RGS6: variants seen among roughly 807,000 people sequenced by gnomAD.
RGS6 encodes the protein regulator of G protein signaling 6.
A neutral mutation model predicts 78.5 loss-of-function variants in RGS6; 30 were observed. The observed-to-expected ratio is 0.38, with a 90% CI of 0.29 to 0.52. The LOEUF is 0.52. RGS6 is among the 20% of genes least tolerant of loss of function. RGS6 has a pLI of 0.85. For synonymous variants in RGS6, 206 were observed against 206.0 expected (o/e 1.00, Z 0.00); for missense variants, 495 against 609.7 (o/e 0.81, Z 1.98).
chr14:72,486,090 T>C (rs2096484074), intron 12 of RGS6, among the ~76,000 whole-genome samples: 1 of 86,262 alleles, frequency 1.2e-5, no homozygotes, highest in South Asian at 4.5e-4. Flanking sequence ...CTGATGGCTT[T>C]ATAAAGGGCT....
At chr14:72,296,065 A>G in intron 2 of RGS6, among the ~76,000 whole-genome samples, 1 of 152,218 alleles carries the variant, frequency 6.6e-6, no homozygotes, top group Non-Finnish European at 1.5e-5. Context: ...GATGTCTATC[A>G]CCACACTTGG....
chr14:71,870,797 G>C, the RGS6 span, among the ~76,000 whole-genome samples: 1 of 152,162 alleles, frequency 6.6e-6, no homozygotes, highest in Admixed American at 6.5e-5. Context: ...CTCCCAGTGT[G>C]GGCCCAGGAT....
chr14:71,907,469 A>C, the RGS6 span, among the ~76,000 whole-genome samples: 3 of 152,136 alleles, frequency 2.0e-5, no homozygotes, highest in Admixed American at 6.5e-5. Context: ...AGTAGGAAGA[A>C]CCAAGGGGAG....
chr14:71,989,692 G>A (rs1282500449), intron 2 of RGS6, among the ~76,000 whole-genome samples: 4 of 152,174 alleles, frequency 2.6e-5, no homozygotes, highest in East Asian at 1.9e-4. Flanking sequence ...ATAGAGCTGC[G>A]TCACTCACAC....
At chr14:72,576,807 T>G in the RGS6 span, among the ~76,000 whole-genome samples, 1 of 152,298 alleles carries the variant, frequency 6.6e-6, no homozygotes, top group South Asian at 2.1e-4. Flanking sequence ...TTGGCAAGAA[T>G]TGATGATTTT....
At chr14:72,371,871 A>G (rs2083587397) in intron 3 of RGS6, among the ~76,000 whole-genome samples, 1 of 152,328 alleles carries the variant, frequency 6.6e-6, no homozygotes, top group East Asian at 1.9e-4. Context: ...TCTTTTTTAG[A>G]GAAGGAACTG....
At chr14:72,468,617 A>T (rs1299309978) in intron 7 of RGS6, among the ~76,000 whole-genome samples, 5 of 152,116 alleles carry the variant, frequency 3.3e-5, no homozygotes, top group Admixed American at 2.6e-4. Context: ...TTACAAAACT[A>T]TATCAGAATC....
chr14:72,242,925 T>C (rs1231977364), intron 2 of RGS6, among the ~76,000 whole-genome samples: 1 of 134,358 alleles, frequency 7.4e-6, no homozygotes, highest in Non-Finnish European at 1.6e-5. Flanking sequence ...CTCGGCTCAC[T>C]GTAACCTCTG....
intron 7 of RGS6, among the ~76,000 whole-genome samples, chr14:72,466,053 T>C (rs767181628): frequency 1.3e-5 from 2 of 152,052 alleles, no homozygotes; most frequent in Non-Finnish European, 2.9e-5. Flanking sequence ...AATAAGCAGC[T>C]CAACTTAAAA....
At position 72,364,016 on chromosome 14, in the gene RGS6, A is replaced by AAAG. The variant is rs2082006130; in HGVS notation, c.184+11824_184+11825insGAA. 2.0e-5 allele frequency among the ~76,000 whole-genome samples: 3 copies of AAAG among 150,778 alleles called. No homozygotes were observed. In the South Asian group the frequency reaches 6.3e-4, roughly 31 times the overall value. On this transcript the variant is annotated intron_variant, in intron 3 of 17. Transcript: ENST00000553525. ...GACAAGGCTAAAAAAAAAAAAAAAA[A>AAAG]AAAAAAAAAACTCTATATTTATATG... is the stretch of plus-strand genomic sequence containing the variant.
chr14:72,607,453 G>A, the RGS6 span, among the ~76,000 whole-genome samples: 16 of 152,178 alleles, frequency 1.1e-4, no homozygotes, highest in African/African-American at 3.9e-4. Context: ...CCGTGCATGT[G>A]GACTCTGCCC....
chr14:72,049,870 A>C (rs2093117972), intron 2 of RGS6, among the ~76,000 whole-genome samples: 1 of 152,188 alleles, frequency 6.6e-6, no homozygotes, highest in Admixed American at 6.5e-5. Flanking sequence ...GCTGTATCAA[A>C]AGCAATTTAA....
chr14:72,310,005 C>G (rs2068159337), intron 2 of RGS6, among the ~76,000 whole-genome samples: 2 of 152,244 alleles, frequency 1.3e-5, no homozygotes, highest in Admixed American at 6.5e-5. Context: ...GCCAGCTGCC[C>G]ATGTCAGCTC....
chr14:72,239,596 C>T (rs112562094), intron 2 of RGS6, among the ~76,000 whole-genome samples: 8 of 152,106 alleles, frequency 5.3e-5, no homozygotes, highest in African/African-American at 1.9e-4. Flanking sequence ...ACAGTGAGCA[C>T]CTCTCTTGAC....
intron 2 of RGS6, among the ~76,000 whole-genome samples, chr14:71,978,974 T>C (rs1445408500): frequency 1.4e-5 from 2 of 148,114 alleles, no homozygotes; most frequent in Middle Eastern, 3.4e-3. Flanking sequence ...ATTCAACTTC[T>C]TCCTGGTTTA....
rs17107475 is a variant in RGS6, at chr14:72,113,434, A to G, written c.84+148559A>G. 7.2e-3 allele frequency among the ~76,000 whole-genome samples: 1,098 copies of G among 152,314 alleles called. 38 individuals are homozygous for G. Among genetic ancestry groups the G allele is most frequent in the Admixed American group, 0.063 (964 of 15,298 alleles). ...GGTGGGTTGAGGAGCCCCAGAAGCC[A>G]TCATAATAAGTGAGGGCCAGGGGAC... On this transcript the variant is annotated intron_variant, in intron 2 of 17. Coordinates refer to ENST00000553525, the MANE Select transcript of RGS6 (RefSeq NM_001204424.2).
chr14:72,289,895 G>C (rs777380135), intron 2 of RGS6, among the ~76,000 whole-genome samples: 1 of 152,146 alleles, frequency 6.6e-6, no homozygotes, highest in Non-Finnish European at 1.5e-5. Flanking sequence ...CTAATTAATG[G>C]ATTTGCTGAA....
chr14:72,461,550 G>A (rs1013113406), intron 6 of RGS6, among the ~76,000 whole-genome samples: 8 of 152,164 alleles, frequency 5.3e-5, no homozygotes, highest in African/African-American at 1.9e-4. Flanking sequence ...CCAGGGACCA[G>A]GCATGGTGGT....
intron 3 of RGS6, among the ~76,000 whole-genome samples, chr14:72,399,119 G>A (rs2091960861): frequency 6.8e-6 from 1 of 147,062 alleles, no homozygotes. Context: ...TTAACTTTCT[G>A]TCTCGTTGAT....
Sources: allele counts gnomAD v4.1 joint callset (sites outside exome capture counted in the v4.1 genomes callset), GRCh38; gene constraint gnomAD v4.1.1; transcripts MANE v1.5; gene names NCBI Gene and HGNC (gene_info 2026-07-23, HGNC 2026-07-21).